Variants in CNTN5 observed in about 807,000 individuals in gnomAD.
CNTN5 encodes the protein contactin 5.
CNTN5 carries 77 observed loss-of-function variants against 129.1 expected under a neutral mutation model. The ratio of observed to expected loss-of-function variants is 0.60; its 90% confidence interval spans 0.50 to 0.72. The LOEUF (loss-of-function observed/expected upper bound fraction) is 0.72. Ranked by LOEUF, CNTN5 falls within the 30% of genes least tolerant of loss-of-function variation. The probability of loss-of-function intolerance (pLI) is 0.00; values close to 1 mark genes in which losing one functional copy is unlikely to be tolerated. For synonymous variants in CNTN5, 509 were observed against 465.6 expected (o/e 1.09, Z -1.20); for missense variants, 1,478 against 1,328.8 (o/e 1.11, Z -1.75).
intron 2 of CNTN5, among the ~76,000 whole-genome samples, chr11:99,379,112 T>C (rs1441093569): frequency 6.6e-6 from 1 of 151,608 alleles, no homozygotes; most frequent in African/African-American, 2.4e-5. Flanking sequence ...AATTTATTCT[T>C]TATTATTTGC....
intron 1 of CNTN5, among the ~76,000 whole-genome samples, chr11:99,239,744 G>A (rs922933087): frequency 3.9e-5 from 6 of 151,928 alleles, no homozygotes; most frequent in African/African-American, 1.5e-4. Context: ...GACCATCCTG[G>A]GTAACACGGT....
intron 3 of CNTN5, among the ~76,000 whole-genome samples, chr11:99,653,680 A>G (rs963996842): frequency 1.3e-5 from 2 of 152,020 alleles, no homozygotes; most frequent in Admixed American, 6.6e-5. Context: ...TACATGTAAT[A>G]TATGTGAATT....
At chr11:99,612,730 C>T (rs562941262) in intron 3 of CNTN5, among the ~76,000 whole-genome samples, 1 of 152,188 alleles carries the variant, frequency 6.6e-6, no homozygotes, top group Non-Finnish European at 1.5e-5. Flanking sequence ...ATGACTCATT[C>T]CCTTTTTCAT....
rs2137461027 is a variant in CNTN5, at chr11:99,999,718, T to C, written c.878-2316T>C. 2.0e-5 allele frequency among the ~76,000 whole-genome samples: 3 copies of C among 152,230 alleles called. No individual in the cohort carries two copies. The Middle Eastern group carries it at 0.01, about 518-fold the overall frequency. On this transcript the variant is annotated intron_variant, in intron 8 of 24. Transcript: ENST00000524871. ...AAGACACATGCACACGTATGTTTAT[T>C]GCAGCACTATTCACAATAGCAAAGA...
intron 9 of CNTN5, among the ~76,000 whole-genome samples, chr11:100,035,019 G>A (rs749002112): frequency 5.9e-5 from 9 of 151,766 alleles, no homozygotes; most frequent in African/African-American, 1.9e-4. Flanking sequence ...TGTGCGCAAC[G>A]TGCAGGTTTG....
chr11:99,267,376 T>A (rs1862952228), intron 1 of CNTN5, among the ~76,000 whole-genome samples: 1 of 152,052 alleles, frequency 6.6e-6, no homozygotes, highest in Admixed American at 6.6e-5. Flanking sequence ...AATATCTTTT[T>A]TTCAGTTGGT....
intron 2 of CNTN5, among the ~76,000 whole-genome samples, chr11:99,531,410 C>T (rs1947700952): frequency 6.6e-6 from 1 of 152,174 alleles, no homozygotes; most frequent in South Asian, 2.1e-4. Context: ...AATTTGCAGC[C>T]TGACTATTCA....
chr11:100,200,616 A>G (rs911282726), intron 15 of CNTN5, among the ~76,000 whole-genome samples: 4 of 151,974 alleles, frequency 2.6e-5, no homozygotes, highest in Admixed American at 2.6e-4. Context: ...TCTGATAGAG[A>G]AAGGCAATTT....
At chr11:99,701,860 C>A (rs1422169971) in intron 3 of CNTN5, among the ~76,000 whole-genome samples, 3 of 150,844 alleles carry the variant, frequency 2.0e-5, no homozygotes, top group Non-Finnish European at 3.0e-5. Flanking sequence ...TTTGACTTGG[C>A]CTTTAACATT....
At chr11:99,045,689 G>T (rs1181393493) in intron 1 of CNTN5, among the ~76,000 whole-genome samples, 2 of 152,130 alleles carry the variant, frequency 1.3e-5, no homozygotes, top group Non-Finnish European at 2.9e-5. Context: ...AATCTTAATA[G>T]ATTGCAAAAC....
intron 4 of CNTN5, among the ~76,000 whole-genome samples, chr11:99,833,965 CCTATAATTG>C (rs1164315940): frequency 6.6e-6 from 1 of 152,112 alleles, no homozygotes; most frequent in East Asian, 1.9e-4. Flanking sequence ...TTCCAAATGT[CCTATAATTG>C]CAAAGCACAG....
At chr11:99,902,696 T>C (rs2135955735) in intron 6 of CNTN5, among the ~76,000 whole-genome samples, 1 of 152,224 alleles carries the variant, frequency 6.6e-6, no homozygotes, top group East Asian at 1.9e-4. Context: ...CACACAAAAG[T>C]AACCTGTTAA....
chr11:99,827,173 T>C (rs1946988799), intron 4 of CNTN5, among the ~76,000 whole-genome samples: 1 of 152,170 alleles, frequency 6.6e-6, no homozygotes, highest in Non-Finnish European at 1.5e-5. Flanking sequence ...CTGCAATCTC[T>C]GCCTCCAGGG....
intron 8 of CNTN5, among the ~76,000 whole-genome samples, chr11:99,964,588 A>G (rs1041552853): frequency 3.3e-5 from 5 of 152,046 alleles, no homozygotes; most frequent in Non-Finnish European, 5.9e-5. Flanking sequence ...TTTTGCATCA[A>G]TGTTCATCAG....
intron 13 of CNTN5, among the ~76,000 whole-genome samples, chr11:100,111,783 A>G (rs1406124408): frequency 2.6e-5 from 4 of 152,168 alleles, no homozygotes; most frequent in Non-Finnish European, 5.9e-5. Flanking sequence ...GTTGATTAAT[A>G]TCTCCCCATT....
At chr11:99,726,316 C>A (rs925640518) in intron 3 of CNTN5, among the ~76,000 whole-genome samples, 2 of 152,148 alleles carry the variant, frequency 1.3e-5, no homozygotes, top group African/African-American at 4.8e-5. Context: ...CAATTAATAG[C>A]AAAGTATTTT....
intron 6 of CNTN5, among the ~76,000 whole-genome samples, chr11:99,879,651 A>T (rs1948722112): frequency 6.6e-6 from 1 of 152,216 alleles, no homozygotes; most frequent in East Asian, 1.9e-4. Context: ...ATTTTAAAAC[A>T]CTGCTAGCTA....
chr11:99,365,715 G>A (rs1467253734), intron 2 of CNTN5, among the ~76,000 whole-genome samples: 1 of 151,952 alleles, frequency 6.6e-6, no homozygotes, highest in Non-Finnish European at 1.5e-5. Flanking sequence ...CATTCATTTT[G>A]GTATTTCCAA....
intron 3 of CNTN5, among the ~76,000 whole-genome samples, chr11:99,674,876 T>C (rs1175486157): frequency 3.3e-5 from 5 of 152,136 alleles, no homozygotes; most frequent in Non-Finnish European, 5.9e-5. Flanking sequence ...AAACTTCCCC[T>C]TTTTGCCCTT....
Sources: gnomAD v4.1 joint callset for allele counts (sites outside exome capture counted in the v4.1 genomes callset) on GRCh38, gnomAD v4.1.1 for gene constraint, MANE v1.5 for transcripts, NCBI Gene and HGNC (gene_info 2026-07-23, HGNC 2026-07-21) for gene names.